The following CELF5 variants were observed in gnomAD, a reference collection of about 807,000 sequenced individuals.
The protein encoded by CELF5 is CUG-BP and ETR-3 like factor 5.
Under a neutral mutation model 54.9 loss-of-function variants are expected in CELF5, and 6 were observed. The ratio of observed to expected loss-of-function variants is 0.11; its 90% CI spans 0.06 to 0.22. The LOEUF is 0.22. CELF5 is among the 10% of genes least tolerant of loss of function. CELF5 has a pLI of 1.00. For missense variants in CELF5, 401 were observed against 678.6 expected (o/e 0.59, Z 4.54); for synonymous variants, 271 against 290.9 (o/e 0.93, Z 0.70).
At chr19:3,255,571 C>T (rs2079713351) in intron 2 of CELF5, among the ~76,000 whole-genome samples, 1 of 152,130 alleles carries the variant, frequency 6.6e-6, no homozygotes, top group South Asian at 2.1e-4. Flanking sequence ...CCCCAGAGCT[C>T]ATGGCCCCCA....
At chr19:3,280,073 G>T (rs2080122375) in intron 5 of CELF5, among the ~76,000 whole-genome samples, 1 of 152,188 alleles carries the variant, frequency 6.6e-6, no homozygotes, top group African/African-American at 2.4e-5. Context: ...ACACTCCCTG[G>T]CTCACCGCTG....
chr19:3,239,399 A>G (rs1260207021), intron 1 of CELF5, among the ~76,000 whole-genome samples: 1 of 151,802 alleles, frequency 6.6e-6, no homozygotes, highest in East Asian at 1.9e-4. Context: ...ATGCCCGGCT[A>G]ATTGTTTTTA....
chr19:3,238,010 C>T (rs1417713835), intron 1 of CELF5, among the ~76,000 whole-genome samples: 2 of 151,606 alleles, frequency 1.3e-5, no homozygotes, highest in African/African-American at 4.9e-5. Context: ...GATCACGCCA[C>T]TGCACTCCAG....
intron 1 of CELF5, among the ~76,000 whole-genome samples, chr19:3,243,031 A>G (rs1354584834): frequency 6.6e-6 from 1 of 152,138 alleles, no homozygotes; most frequent in Non-Finnish European, 1.5e-5. Flanking sequence ...ACCTTGGGCA[A>G]GCCACTTCCC....
At position 3,282,454 on chromosome 19, in the gene CELF5, C is replaced by T; in HGVS notation, c.995C>T (p.Pro332Leu). 1 of 1,613,808 alleles carries T rather than the reference C, an allele frequency of 6.2e-7. No individual in the cohort carries two copies. The highest frequency in any genetic ancestry group is 1.1e-5 in the South Asian group (1 of 91,080). Residue 332 changes from proline (P) to leucine (L), a missense_variant, in exon 8 of 13, where the codon CCT (proline) becomes CTT (leucine). Physicochemically the swap from Pro to Leu is moderately conservative, Grantham distance 98 (BLOSUM62 -3). Transcript: ENST00000292672. This position sits in a 1 kb window ranked among gnomAD's most constrained non-coding sequence, Gnocchi z 5.2. ...AGVVPFPGGH[P>L]ALETVYANGL... is the part of the protein sequence containing the mutation. ...GTCGTGCCCTTTCCAGGTGGGCACC[C>T]TGCCCTGGAAACCGTCTATGCCAAT...
chr19:3,293,461 G>T lies in CELF5; in HGVS notation c.*15G>T, dbSNP rs371522681. 2 of 1,613,344 alleles carry T rather than the reference G, an allele frequency of 1.2e-6. No individual in the cohort carries two copies. The highest frequency in any genetic ancestry group is 8.5e-7 in the Non-Finnish European group (1 of 1,179,542). ...ACCCCTACTGACCGCGCCCACAGCC[G>T]CCCTGAGGCTGTAGGCATGGCCCAG... is the stretch of plus-strand genomic sequence containing the variant. On this transcript the variant is annotated 3_prime_UTR_variant, in exon 12 of 13. Transcript: ENST00000292672.
chr19:3,273,284 G>A (rs770571045), intron 2 of CELF5, among the ~76,000 whole-genome samples: 33 of 152,006 alleles, frequency 2.2e-4, no homozygotes, highest in Non-Finnish European at 7.4e-5. Context: ...ACTTGACTGG[G>A]CTTAGCTGGG....
At chr19:3,263,842 C>T (rs762599985) in intron 2 of CELF5, among the ~76,000 whole-genome samples, 1 of 147,632 alleles carries the variant, frequency 6.8e-6, no homozygotes, top group Admixed American at 6.7e-5. Context: ...GATATGGAGG[C>T]TGCAGTGAGC....
rs1310412534 is a variant in CELF5, at chr19:3,278,197, C to G, written c.603+87C>G. 6 of 947,546 alleles carry G rather than the reference C, an allele frequency of 6.3e-6. No individual in the cohort carries two copies. The highest frequency in any genetic ancestry group is 9.6e-6 in the Non-Finnish European group (6 of 622,804). The allele number at this position is 947,546 out of a possible 1,614,324, so 58.7% of individuals were successfully genotyped here. A position where few individuals can be genotyped will look rare whatever the true frequency, so the allele number is the denominator to read the frequency against. ...ATGAAACAGGCCATATTCCTACCGT[C>G]GCTGTCATCCGGTAGCCCCTGGCTG... On this transcript the variant is annotated intron_variant, in intron 5 of 12. Transcript: ENST00000292672. This position sits in a 1 kb window ranked among gnomAD's most constrained non-coding sequence, Gnocchi z 4.5.
intron 1 of CELF5, among the ~76,000 whole-genome samples, chr19:3,227,198 G>A (rs555949782): frequency 2.0e-4 from 30 of 152,264 alleles, no homozygotes; most frequent in Non-Finnish European, 3.4e-4. Context: ...TGCTTGGCAC[G>A]AAGGGGTGGG....
chr19:3,259,528 G>A lies in CELF5; in HGVS notation c.342+8461G>A, dbSNP rs566808934. On this transcript the variant is annotated intron_variant, in intron 2 of 12. Coordinates refer to ENST00000292672, the MANE Select transcript of CELF5 (RefSeq NM_021938.4). ...ACATCAGACACCAGAATAAGCTCCCGATGGGGTAGACAGTAGAAACCAGGA... is the reference window on the plus strand; with the variant it reads ...ACATCAGACACCAGAATAAGCTCCCAATGGGGTAGACAGTAGAAACCAGGA... Among the ~76,000 whole-genome samples, 6 of 152,028 alleles carry A rather than the reference G, an allele frequency of 3.9e-5. No homozygotes were observed. The South Asian group carries it at 6.2e-4, about 16-fold the overall frequency.
rs752176893 is a variant in CELF5 at position 3,284,910 on chromosome 19, C to G, written c.1048C>G (p.Pro350Ala). The stretch of plus-strand genomic sequence containing the variant: ...CCTCTGTCTGCCCGCAGCTCAGAGC[C>G]CGACTGTGGCCGAGACACTGCATCC... ...NGLVPYPAQS[P>A]TVAETLHPAF... The change falls in exon 9 of 13, where the codon CCG (proline) becomes GCG (alanine). Residue 350 changes from proline (P) to alanine (A), a missense_variant. This residue lies in a region of CELF5 where 143 missense variants were observed against 147.6 expected (regional missense o/e 0.97). Coordinates refer to ENST00000292672, the MANE Select transcript of CELF5 (RefSeq NM_021938.4). The G allele has an allele frequency of 6.2e-7, 1 of 1,613,202 alleles. No individual in the cohort carries two copies. The highest frequency in any genetic ancestry group is 8.5e-7 in the Non-Finnish European group (1 of 1,179,712).
chr19:3,255,923 G>A (rs1009393871), intron 2 of CELF5, among the ~76,000 whole-genome samples: 2 of 151,956 alleles, frequency 1.3e-5, no homozygotes, highest in African/African-American at 4.8e-5. Flanking sequence ...AAATTAGCTG[G>A]GCGTGGTGGC....
At chr19:3,273,015 T>C (rs1255026746) in intron 2 of CELF5, among the ~76,000 whole-genome samples, 3 of 152,020 alleles carry the variant, frequency 2.0e-5, no homozygotes, top group African/African-American at 7.3e-5. Flanking sequence ...GACAAAAGTG[T>C]CTAGAACAAT....
At chr19:3,252,286 C>T (rs532258855) in intron 2 of CELF5, among the ~76,000 whole-genome samples, 8 of 152,234 alleles carry the variant, frequency 5.3e-5, no homozygotes, top group South Asian at 2.1e-4. Context: ...CCTCCTGCTT[C>T]GGCCTCCCAA....
At chr19:3,276,031 C>A in intron 4 of CELF5, 47 bp downstream of exon 4, 2 of 760,802 alleles carry the variant, frequency 2.6e-6, no homozygotes, top group Non-Finnish European at 3.6e-6. Context: ...GCCGGGCTAG[C>A]TCTGGGGGCG....
At chr19:3,251,627 C>T (rs1445338162) in intron 2 of CELF5, among the ~76,000 whole-genome samples, 1 of 150,948 alleles carries the variant, frequency 6.6e-6, no homozygotes, top group Non-Finnish European at 1.5e-5. Flanking sequence ...GCAAACGGAG[C>T]CACAGTTCCT....
In CELF5 at chr19:3,249,524, T is replaced by C. The variant is rs2079618344; in HGVS notation, c.260-1461T>C. The stretch of plus-strand genomic sequence containing the variant: ...GCTTCCCACCCTCCGATCCCTAATG[T>C]TGCCCAATCACAGCCTCACTCTGGG... On this transcript the variant is annotated intron_variant, in intron 1 of 12. Coordinates refer to ENST00000292672, the MANE Select transcript of CELF5 (RefSeq NM_021938.4). 2.6e-5 allele frequency among the ~76,000 whole-genome samples: 4 copies of C among 151,818 alleles called. No individual in the cohort carries two copies. The South Asian group carries it at 8.3e-4, about 32-fold the overall frequency.
At chr19:3,226,501 C>T (rs898743414) in intron 1 of CELF5, among the ~76,000 whole-genome samples, 1 of 144,018 alleles carries the variant, frequency 6.9e-6, no homozygotes, top group Non-Finnish European at 1.5e-5. Context: ...AAATCTAACT[C>T]CTCCATGTGG....
Sources: gnomAD v4.1 joint callset for allele counts (sites outside exome capture counted in the v4.1 genomes callset) on GRCh38, gnomAD v4.1.1 for gene constraint, gnomAD v4.1.1 regional missense constraint, Gnocchi (gnomAD v3.1) non-coding constraint, MANE v1.5 for transcripts, NCBI Gene and HGNC (gene_info 2026-07-23, HGNC 2026-07-21) for gene names.